Variants in RNF150 observed in about 807,000 individuals in gnomAD.
The protein encoded by RNF150 is ring finger protein 150.
In RNF150, 24 loss-of-function variants were observed where a neutral mutation model predicts 39.3. That is an observed-to-expected ratio of 0.61 (90% CI 0.44 to 0.86). The LOEUF (loss-of-function observed/expected upper bound fraction) is 0.86. RNF150 is among the 40% of genes least tolerant of loss of function. RNF150 has a pLI of 0.00. For missense variants in RNF150, 502 were observed against 587.8 expected (o/e 0.85, Z 1.51); for synonymous variants, 255 against 227.3 (o/e 1.12, Z -1.10).
rs748232724 is a variant in RNF150 at position 141,132,792 on chromosome 4, A to G, written c.17T>C (p.Ile6Thr). 1.2e-6 allele frequency: 2 copies of G among 1,607,374 alleles called. No individual in the cohort carries two copies. Among genetic ancestry groups the G allele is most frequent in the Non-Finnish European group, 1.7e-6 (2 of 1,176,814 alleles). ...GAGAGCCAGACTGCAGCACGCTTGG[A>G]TGAGAGACATTGCCATCTTTATCCG... Reference protein sequence around the residue: MAMSLIQACCSLALST... With the variant: MAMSLTQACCSLALST... The change falls in exon 1 of 7, where the codon ATC (isoleucine) becomes ACC (threonine). Residue 6 changes from isoleucine to threonine, a missense_variant. By Grantham distance (89) the Ile-to-Thr change is moderately conservative. Coordinates refer to ENST00000515673, the MANE Select transcript of RNF150 (RefSeq NM_020724.2). This position sits in a 1 kb window ranked among gnomAD's most constrained non-coding sequence, Gnocchi z 4.9.
At chr4:141,070,206 C>CT (rs1341774090) in intron 1 of RNF150, among the ~76,000 whole-genome samples, 2 of 152,192 alleles carry the variant, frequency 1.3e-5, no homozygotes, top group Non-Finnish European at 2.9e-5. Flanking sequence ...GGATCCCTTC[C>CT]TTACACCTTA....
In RNF150 at chr4:140,865,171, C is replaced by G. The variant is rs1728651203; in HGVS notation, c.*3090G>C. 6.6e-6 allele frequency: 1 copy of G among 152,070 alleles called. No homozygotes were observed. The highest frequency in any genetic ancestry group is 1.5e-5 in the Non-Finnish European group (1 of 68,026). The allele number at this position is 152,070 out of a possible 1,614,324, so 9.4% of individuals were successfully genotyped here. A position where few individuals can be genotyped will look rare whatever the true frequency, so the allele number is the denominator to read the frequency against. On this transcript the variant is annotated 3_prime_UTR_variant, in exon 7 of 7. Coordinates refer to ENST00000515673, the MANE Select transcript of RNF150 (RefSeq NM_020724.2). ...ATTTAGAAGACTTAGTACACAAAAGCATGTAAAACATGTCATTAATTTACA... is the reference window on the plus strand; with the variant it reads ...ATTTAGAAGACTTAGTACACAAAAGGATGTAAAACATGTCATTAATTTACA...
At chr4:140,949,831 T>C (rs537849177) in intron 2 of RNF150, among the ~76,000 whole-genome samples, 2 of 152,382 alleles carry the variant, frequency 1.3e-5, no homozygotes, top group Non-Finnish European at 2.9e-5. Flanking sequence ...TCTGCTCATA[T>C]AGGCATAACG....
At chr4:141,059,480 A>G (rs1737126406) in intron 1 of RNF150, among the ~76,000 whole-genome samples, 1 of 152,194 alleles carries the variant, frequency 6.6e-6, no homozygotes, top group Non-Finnish European at 1.5e-5. Context: ...TGTGTGCTTG[A>G]ATCAGAAGTT....
intron 1 of RNF150, among the ~76,000 whole-genome samples, chr4:141,009,153 C>T (rs1009260743): frequency 6.6e-6 from 1 of 152,052 alleles, no homozygotes; most frequent in Non-Finnish European, 1.5e-5. Flanking sequence ...TCTTGCATGG[C>T]TATGAAACAA....
Position 140,881,934 on chromosome 4 carries a change from T to C in RNF150, c.1199-13555A>G, listed in dbSNP as rs575365070. 3.3e-5 allele frequency among the ~76,000 whole-genome samples: 5 copies of C among 152,334 alleles called. No homozygotes were observed. The South Asian group carries it at 1.0e-3, about 32-fold the overall frequency. On this transcript the variant is annotated intron_variant, in intron 6 of 6. Coordinates refer to ENST00000515673, the MANE Select transcript of RNF150 (RefSeq NM_020724.2). ...CTACATTTTGATGAGCTTTCCAGTT[T>C]GCTATTGATTTCTGGTTTCATTTCA...
At chr4:141,107,428 C>T (rs1739248631) in intron 1 of RNF150, among the ~76,000 whole-genome samples, 1 of 152,224 alleles carries the variant, frequency 6.6e-6, no homozygotes, top group East Asian at 1.9e-4. Context: ...GTGACTTGTT[C>T]AAGGTAGCAA....
intron 6 of RNF150, among the ~76,000 whole-genome samples, chr4:140,870,343 CAAGAAAACTAGTCATTTAGAAAAAAG>C (rs1171404388): frequency 6.6e-6 from 1 of 152,150 alleles, no homozygotes; most frequent in Non-Finnish European, 1.5e-5. Context: ...AACAAATAGT[CAAGAAAACTAGTCATTTAGAAAAAAG>C]TGAAACTGGA....
intron 1 of RNF150, among the ~76,000 whole-genome samples, chr4:141,102,256 G>GA (rs781052712): frequency 6.6e-6 from 1 of 152,056 alleles, no homozygotes; most frequent in Admixed American, 6.6e-5. Context: ...TTAGCAAGAA[G>GA]AAAAAATCTT....
intron 1 of RNF150, among the ~76,000 whole-genome samples, chr4:141,065,022 C>T (rs1457386426): frequency 2.0e-5 from 3 of 152,198 alleles, no homozygotes; most frequent in East Asian, 3.9e-4. Context: ...TGTGCTACTA[C>T]GCCTGGCTAA....
At position 140,911,362 on chromosome 4, in the gene RNF150, G is replaced by C; in HGVS notation, c.988-8C>G. On this transcript the variant is annotated splice_region_variant and splice_polypyrimidine_tract_variant and intron_variant, in intron 5 of 6. Transcript: ENST00000515673. ...CATGCAGTCGGCATTGGGCTGATGG[G>C]GCAGAAAAAGATCTGTTCTCAGTAC... 1.9e-6 allele frequency: 3 copies of C among 1,612,822 alleles called. No individual in the cohort carries two copies. The highest frequency in any genetic ancestry group is 2.5e-6 in the Non-Finnish European group (3 of 1,179,144).
rs76319822 is a variant in RNF150 at position 140,996,639 on chromosome 4, C to T, written c.485-28766G>A. 1.4e-4 allele frequency among the ~76,000 whole-genome samples: 22 copies of T among 152,114 alleles called. No individual in the cohort carries two copies. In the East Asian group the frequency reaches 3.3e-3, roughly 23 times the overall value. ...TGCTTTCTTATCCTGTTAAACGTTA[C>T]GAAAATTATCTGTTACCATTAGAGA... On this transcript the variant is annotated intron_variant, in intron 1 of 6. Transcript: ENST00000515673.
intron 4 of RNF150, among the ~76,000 whole-genome samples, chr4:140,927,859 G>A (rs1291454080): frequency 6.6e-6 from 1 of 151,700 alleles, no homozygotes; most frequent in African/African-American, 2.4e-5. Flanking sequence ...ATGTTGGCCG[G>A]GCTGGTCCTG....
chr4:140,930,450 T>G (rs1731583724), intron 4 of RNF150, among the ~76,000 whole-genome samples: 1 of 152,226 alleles, frequency 6.6e-6, no homozygotes, highest in African/African-American at 2.4e-5. Flanking sequence ...AAATTCTGGT[T>G]TGCTCAATTC....
chr4:141,181,612 T>C (rs1727910899), intron 1 of RNF150, among the ~76,000 whole-genome samples: 1 of 152,214 alleles, frequency 6.6e-6, no homozygotes, highest in Non-Finnish European at 1.5e-5. Context: ...TGACACTTTC[T>C]TTTTTGCATA....
At chr4:140,883,745 T>C (rs1236126090) in intron 6 of RNF150, among the ~76,000 whole-genome samples, 1 of 152,204 alleles carries the variant, frequency 6.6e-6, no homozygotes, top group Non-Finnish European at 1.5e-5. Flanking sequence ...TTGATTGTAA[T>C]GTGTCTCAGT....
chr4:141,157,277 A>G (rs1368695411), intron 1 of RNF150, among the ~76,000 whole-genome samples: 1 of 152,184 alleles, frequency 6.6e-6, no homozygotes, highest in African/African-American at 2.4e-5. Context: ...AGTGAGAAAA[A>G]TATTTCCTAA....
At chr4:141,080,055 GAA>G (rs11328531) in intron 1 of RNF150, among the ~76,000 whole-genome samples, 39 of 151,462 alleles carry the variant, frequency 2.6e-4, no homozygotes, top group Admixed American at 2.2e-3. Context: ...CTGAAAAGTG[GAA>G]AAAAAAAATC....
At chr4:141,052,358 C>T (rs1736807312) in intron 1 of RNF150, among the ~76,000 whole-genome samples, 1 of 152,078 alleles carries the variant, frequency 6.6e-6, no homozygotes, top group African/African-American at 2.4e-5. Flanking sequence ...TTCACATTAG[C>T]AACAAAACCT....
Sources: gnomAD v4.1 joint callset for allele counts (sites outside exome capture counted in the v4.1 genomes callset) on GRCh38, gnomAD v4.1.1 for gene constraint, Gnocchi (gnomAD v3.1) non-coding constraint, MANE v1.5 for transcripts, NCBI Gene and HGNC (gene_info 2026-07-23, HGNC 2026-07-21) for gene names.